GLIS1: variants seen among roughly 807,000 people sequenced by gnomAD.
The protein encoded by GLIS1 is zinc finger protein GLIS1.
In GLIS1, 24 loss-of-function variants were observed where a neutral mutation model predicts 63.8. The observed-to-expected ratio is 0.38, with a 90% CI of 0.27 to 0.53. The LOEUF (loss-of-function observed/expected upper bound fraction) is 0.53. GLIS1 is among the 20% of genes least tolerant of loss of function. The probability of loss-of-function intolerance (pLI) is 0.85; values close to 1 mark genes in which losing one functional copy is unlikely to be tolerated. For synonymous variants in GLIS1, 450 were observed against 482.5 expected (o/e 0.93, Z 0.88); for missense variants, 1,036 against 1,074.1 (o/e 0.96, Z 0.50).
In GLIS1 at chr1:53,625,326, G is replaced by A. The variant is rs550951629; in HGVS notation, c.260-25048C>T. Among the ~76,000 whole-genome samples, 32 of 152,286 alleles carry A rather than the reference G, an allele frequency of 2.1e-4. 1 individual carries two copies. Among genetic ancestry groups the A allele is most frequent in the Admixed American group, 1.9e-3 (29 of 15,300 alleles). ...AGGCATGCAACAGCTGGATTTATTT[G>A]GGGGCTTTGAGTATTGCGGATCTGG... is the stretch of plus-strand genomic sequence containing the variant. On this transcript the variant is annotated intron_variant, in intron 2 of 10. Coordinates refer to ENST00000628545, the MANE Select transcript of GLIS1 (RefSeq NM_001367484.1).
Position 53,683,131 on chromosome 1 carries a change from G to C in GLIS1, c.259+54675C>G, listed in dbSNP as rs550725170. On this transcript the variant is annotated intron_variant, in intron 2 of 10. Transcript: ENST00000628545. Reference sequence around the variant, plus strand: ...TTTAGAAGGAAAGGAAAGAAGGCGAGTTCAGTCCTGGCATATGGAGTCTGG... The same window carrying C: ...TTTAGAAGGAAAGGAAAGAAGGCGACTTCAGTCCTGGCATATGGAGTCTGG... 4.6e-5 allele frequency among the ~76,000 whole-genome samples: 7 copies of C among 152,080 alleles called. No individual in the cohort carries two copies. The South Asian group carries it at 1.5e-3, about 32-fold the overall frequency.
chr1:53,733,965 T>C lies in GLIS1; in HGVS notation c.259+3841A>G, dbSNP rs1238639481. On this transcript the variant is annotated intron_variant, in intron 2 of 10. Coordinates refer to ENST00000628545, the MANE Select transcript of GLIS1 (RefSeq NM_001367484.1). ...CCCAGAACATCACAGGAGCTTCTTA[T>C]TCAGATGAAGAAATTCAACCAGGTG... 5 of 985,192 alleles carry C rather than the reference T, an allele frequency of 5.1e-6. No homozygotes were observed. In the African/African-American group the frequency reaches 8.7e-5, roughly 17 times the overall value. The allele number at this position is 985,192 out of a possible 1,614,324, so 61.0% of individuals were successfully genotyped here. A position where few individuals can be genotyped will look rare whatever the true frequency, so the allele number is the denominator to read the frequency against.
At chr1:53,548,164 G>A (rs1368236611) in intron 4 of GLIS1, among the ~76,000 whole-genome samples, 1 of 152,204 alleles carries the variant, frequency 6.6e-6, no homozygotes, top group Non-Finnish European at 1.5e-5. Context: ...GGCCAAAGAT[G>A]ATCTCACAGG....
At chr1:53,627,281 G>C (rs1197988162) in intron 2 of GLIS1, among the ~76,000 whole-genome samples, 3 of 152,194 alleles carry the variant, frequency 2.0e-5, no homozygotes, top group Non-Finnish European at 4.4e-5. Flanking sequence ...CTATTTCAGT[G>C]ACAATTCATT....
At chr1:53,636,050 T>A (rs1267143929) in intron 2 of GLIS1, among the ~76,000 whole-genome samples, 1 of 152,220 alleles carries the variant, frequency 6.6e-6, no homozygotes, top group Admixed American at 6.5e-5. Context: ...ATACTCATTC[T>A]TCCAGAGACT....
At chr1:53,571,058 A>C (rs1191135578) in intron 4 of GLIS1, among the ~76,000 whole-genome samples, 1 of 152,240 alleles carries the variant, frequency 6.6e-6, no homozygotes, top group Non-Finnish European at 1.5e-5. Context: ...ATTCCTATAA[A>C]TCAATAAGAA....
rs962882842 is a variant in GLIS1, at chr1:53,738,093, G to T, written c.-29C>A. 2 of 1,228,648 alleles carry T rather than the reference G, an allele frequency of 1.6e-6. No individual in the cohort carries two copies. The highest frequency in any genetic ancestry group is 3.1e-5 in the African/African-American group (2 of 64,282). The allele number at this position is 1,228,648 out of a possible 1,614,324, so 76.1% of individuals were successfully genotyped here. A position where few individuals can be genotyped will look rare whatever the true frequency, so the allele number is the denominator to read the frequency against. ...GCCGGGGCGGGGCGCACGGCTGGGG[G>T]TCGCGCCGGGCTCCTGGGGAGGGGA... On this transcript the variant is annotated 5_prime_UTR_variant, in exon 2 of 11. Coordinates refer to ENST00000628545, the MANE Select transcript of GLIS1 (RefSeq NM_001367484.1).
rs935415416 is a variant in GLIS1 at position 53,598,733 on chromosome 1, T to C, written c.437+1368A>G. Among the ~76,000 whole-genome samples, 3 of 152,302 alleles carry C rather than the reference T, an allele frequency of 2.0e-5. No individual in the cohort carries two copies. Among genetic ancestry groups the C allele is most frequent in the Non-Finnish European group, 4.4e-5 (3 of 68,026 alleles). Reference sequence around the variant, plus strand: ...TTTAAACCACCTAGTCCATGGCATTTGCTATGGCAGCCTAAACAAACGAAT... The same window carrying C: ...TTTAAACCACCTAGTCCATGGCATTCGCTATGGCAGCCTAAACAAACGAAT... On this transcript the variant is annotated intron_variant, in intron 3 of 10. Coordinates refer to ENST00000628545, the MANE Select transcript of GLIS1 (RefSeq NM_001367484.1). This position sits in a 1 kb window ranked among gnomAD's most constrained non-coding sequence, Gnocchi z 4.6.
Position 53,514,766 on chromosome 1 carries a change from G to A in GLIS1, c.1742C>T (p.Ser581Phe). The change falls in exon 8 of 11, where the codon TCC becomes TTC. Residue 581 changes from serine (S) to phenylalanine (F), a missense_variant. Coordinates refer to ENST00000628545, the MANE Select transcript of GLIS1 (RefSeq NM_001367484.1). Reference sequence around the variant, plus strand: ...TGCAAGTCCGTTATGGGGGGTGATGGAGCCAGGATACACACCTGCAGGGAA... The same window carrying A: ...TGCAAGTCCGTTATGGGGGGTGATGAAGCCAGGATACACACCTGCAGGGAA... ...QELLPGVYPG[S>F]ITPHNGLASG... 6.3e-7 allele frequency: 1 copy of A among 1,598,826 alleles called. No individual in the cohort carries two copies. The highest frequency in any genetic ancestry group is 8.5e-7 in the Non-Finnish European group (1 of 1,172,736).
chr1:53,546,941 C>A (rs1475165892), intron 4 of GLIS1, among the ~76,000 whole-genome samples: 1 of 102,302 alleles, frequency 9.8e-6, no homozygotes, highest in Admixed American at 1.0e-4. Flanking sequence ...CTCTTTCTTC[C>A]CCTGACTGGG....
intron 8 of GLIS1, among the ~76,000 whole-genome samples, chr1:53,512,512 C>T (rs910933967): frequency 1.3e-5 from 2 of 152,144 alleles, no homozygotes; most frequent in Non-Finnish European, 1.5e-5. Context: ...TGGGGAGCCA[C>T]GAGTGGCCGT....
At chr1:53,538,052 G>A (rs988532744) in intron 4 of GLIS1, among the ~76,000 whole-genome samples, 1 of 152,246 alleles carries the variant, frequency 6.6e-6, no homozygotes, top group Admixed American at 6.5e-5. Context: ...GCCGCTCCTC[G>A]CTCCTGCACT....
chr1:53,516,550 A>T (rs1401501281), intron 7 of GLIS1, among the ~76,000 whole-genome samples: 3 of 152,044 alleles, frequency 2.0e-5, no homozygotes, highest in African/African-American at 7.2e-5. Flanking sequence ...AAAAAAAACA[A>T]GCCTGTAATC....
rs4927006 is a variant in GLIS1, at chr1:53,539,865, T to A, written c.1321-9913A>T. ...GCCTGGCCTGGCCTTGGGGACAGCA[T>A]GCATAGCCTGAGAGATCTCCACTGA... On this transcript the variant is annotated intron_variant, in intron 4 of 10. Transcript: ENST00000628545. This position sits in a 1 kb window ranked among gnomAD's most constrained non-coding sequence, Gnocchi z 5.0. Among the ~76,000 whole-genome samples the A allele has an allele frequency of 0.39, 59,093 of 151,582 alleles. 12,955 individuals carry two copies. The highest frequency in any genetic ancestry group is 0.51 in the Middle Eastern group (148 of 292).
Position 53,700,260 on chromosome 1 carries a change from C to T in GLIS1, c.259+37546G>A, listed in dbSNP as rs188522008. 4.8e-3 allele frequency among the ~76,000 whole-genome samples: 736 copies of T among 152,278 alleles called. 3 individuals carry two copies. The highest frequency in any genetic ancestry group is 6.6e-3 in the Non-Finnish European group (447 of 68,038). ...CCCCCCAGGCCACTGCCAGCCCTCACCTCCCCCTCATCACAGCCCTGTGCC... is the reference window on the plus strand; with the variant it reads ...CCCCCCAGGCCACTGCCAGCCCTCATCTCCCCCTCATCACAGCCCTGTGCC... On this transcript the variant is annotated intron_variant, in intron 2 of 10. Transcript: ENST00000628545.
At chr1:53,624,640 A>G (rs1181362281) in intron 2 of GLIS1, among the ~76,000 whole-genome samples, 1 of 152,024 alleles carries the variant, frequency 6.6e-6, no homozygotes, top group African/African-American at 2.4e-5. Flanking sequence ...TCCTGGGCTC[A>G]AGTGATCCTC....
intron 4 of GLIS1, among the ~76,000 whole-genome samples, chr1:53,588,918 A>G (rs1569873503): frequency 6.6e-6 from 1 of 152,236 alleles, no homozygotes; most frequent in Non-Finnish European, 1.5e-5. Flanking sequence ...ATGGCTGGCC[A>G]TGGTAAGTTT....
intron 4 of GLIS1, among the ~76,000 whole-genome samples, chr1:53,554,248 G>C (rs1233702058): frequency 6.6e-6 from 1 of 152,174 alleles, no homozygotes; most frequent in Non-Finnish European, 1.5e-5. Flanking sequence ...ACCTCCTCTT[G>C]ACAGAGGAGG....
chr1:53,605,042 C>T (rs1424518844), intron 2 of GLIS1, among the ~76,000 whole-genome samples: 2 of 151,528 alleles, frequency 1.3e-5, no homozygotes, highest in Admixed American at 6.6e-5. Context: ...GGCTGTTAAT[C>T]GCCAACCCCC....
Sources: allele counts gnomAD v4.1 joint callset (sites outside exome capture counted in the v4.1 genomes callset), GRCh38; gene constraint gnomAD v4.1.1; non-coding constraint Gnocchi (gnomAD v3.1); transcripts MANE v1.5; gene names NCBI Gene and HGNC (gene_info 2026-07-23, HGNC 2026-07-21).